The following DPYSL4 variants were observed in gnomAD, a reference collection of about 807,000 sequenced individuals.
DPYSL4 encodes the protein dihydropyrimidinase-related protein 4.
A neutral mutation model predicts 63.4 loss-of-function variants in DPYSL4; 43 were observed. The observed-to-expected ratio is 0.68, with a 90% CI of 0.53 to 0.88. The LOEUF (loss-of-function observed/expected upper bound fraction) is 0.88, where lower values mean the gene tolerates loss of function less well. DPYSL4 is among the 40% of genes least tolerant of loss of function. The pLI is 0.00. For synonymous variants in DPYSL4, 353 were observed against 331.7 expected, an observed-to-expected ratio of 1.06 and a Z score of -0.70; for missense variants, 733 against 819.5, an observed-to-expected ratio of 0.89 and a Z score of 1.29.
At chr10:132,194,486 G>A (rs760265056) in intron 3 of DPYSL4, among the ~76,000 whole-genome samples, 12 of 152,214 alleles carry the variant, frequency 7.9e-5, no homozygotes, top group Non-Finnish European at 1.2e-4. Context: ...CCTGGCCCTC[G>A]GGGTGCCTCA....
At chr10:132,202,610 C>A (rs181469670) in intron 11 of DPYSL4, 36 bp from the exon 12 acceptor site, 349 of 1,606,710 alleles carry the variant, frequency 2.2e-4, no homozygotes, top group Non-Finnish European at 2.8e-4. Context: ...TGGGCCCCAG[C>A]GTGGAGGCAC....
intron 11 of DPYSL4, 151 bp from the exon 12 acceptor site, chr10:132,202,495 A>AC: frequency 9.7e-7 from 1 of 1,033,230 alleles, no homozygotes; most frequent in East Asian, 2.6e-5. Flanking sequence ...CCGAGTTCCA[A>AC]CCCCTCAGTT....
chr10:132,187,128 C>CGCCCCCTGCCCGCCGCCCGGA, intron 1 of DPYSL4, 26 bp downstream of exon 1: 1 of 1,514,134 alleles, frequency 6.6e-7, no homozygotes, highest in Non-Finnish European at 8.9e-7. Flanking sequence ...CTTCGCCCGG[C>CGCCCCCTGCCCGCCGCCCGGA]GCCCCCTGCC....
rs368133660 is a variant in DPYSL4 at position 132,204,811 on chromosome 10, C to A, written c.1628-28C>A. On this transcript the variant is annotated intron_variant, in intron 13 of 13. Coordinates refer to ENST00000338492, the MANE Select transcript of DPYSL4 (RefSeq NM_006426.3). ...AGGGCCCCTGCCCCTGCCTCATTCTCCCCTGCCCATCTGTGCCCTTTCTTC... is the reference window on the plus strand; with the variant it reads ...AGGGCCCCTGCCCCTGCCTCATTCTACCCTGCCCATCTGTGCCCTTTCTTC... 1.5e-4 allele frequency: 239 copies of A among 1,582,652 alleles called. No homozygotes were observed. The Admixed American group carries it at 2.0e-3, about 13-fold the overall frequency.
At chr10:132,190,678 G>A in intron 1 of DPYSL4, 69 bp from the exon 2 acceptor site, 1 of 1,427,390 alleles carries the variant, frequency 7.0e-7, no homozygotes. Context: ...TTCAGAGGAA[G>A]GAGTTGCACC....
chr10:132,191,333 G>A (rs1009138312), intron 2 of DPYSL4, among the ~76,000 whole-genome samples: 1 of 146,918 alleles, frequency 6.8e-6, no homozygotes, highest in African/African-American at 2.6e-5. Context: ...CTGGCCACGT[G>A]GTATCCAGGC....
chr10:132,200,659 A>C, intron 9 of DPYSL4, 147 bp downstream of exon 9: 3 of 1,377,278 alleles, frequency 2.2e-6, no homozygotes, highest in Non-Finnish European at 2.9e-6. Context: ...CTTTGGTCCC[A>C]GCGGGGGCTC....
chr10:132,187,077 G>T lies in DPYSL4; in HGVS notation c.14G>T (p.Gly5Val). Reference sequence around the variant, plus strand: ...CCCAGGAGCAGGATGTCCTTCCAGGGCAAGAAAAGCATCCCCCGGATCACG... The same window carrying T: ...CCCAGGAGCAGGATGTCCTTCCAGGTCAAGAAAAGCATCCCCCGGATCACG... The part of the protein sequence containing the change: MSFQ[G>V]KKSIPRITSD... The change falls in exon 1 of 14, where the codon GGC (glycine) becomes GTC (valine). Residue 5 changes from glycine to valine, a missense_variant. Physicochemically the swap from Gly to Val is moderately radical, Grantham distance 109. Coordinates refer to ENST00000338492, the MANE Select transcript of DPYSL4 (RefSeq NM_006426.3). The T allele has an allele frequency of 7.6e-7, 1 of 1,323,476 alleles. No homozygotes were observed. Among genetic ancestry groups the T allele is most frequent in the Non-Finnish European group, 9.9e-7 (1 of 1,011,966 alleles). 82.0% of individuals were successfully genotyped at this position (1,323,476 alleles called of 1,614,324 possible). A position where few individuals can be genotyped will look rare whatever the true frequency, so the allele number is the denominator to read the frequency against.
intron 1 of DPYSL4, among the ~76,000 whole-genome samples, chr10:132,189,662 G>C (rs1052737065): frequency 3.9e-5 from 6 of 152,024 alleles, no homozygotes; most frequent in African/African-American, 1.4e-4. Context: ...CTGACTCCCA[G>C]CCTCTCTGGA....
At chr10:132,199,440 C>T (rs566444560) in intron 8 of DPYSL4, among the ~76,000 whole-genome samples, 4 of 152,010 alleles carry the variant, frequency 2.6e-5, no homozygotes, top group Admixed American at 6.5e-5. Flanking sequence ...TGATTGGCAG[C>T]GGCTTGACTG....
At position 132,200,831 on chromosome 10, in the gene DPYSL4, C is replaced by T; in HGVS notation, c.969-11C>T. On this transcript the variant is annotated splice_polypyrimidine_tract_variant and intron_variant, in intron 9 of 13. Coordinates refer to ENST00000338492, the MANE Select transcript of DPYSL4 (RefSeq NM_006426.3). The stretch of plus-strand genomic sequence containing the variant: ...GAAGGCCAGGACCCTCTGACCCTGG[C>T]TTGTTTCCAGCGGGGACCTCCAGGT... 6.2e-7 allele frequency: 1 copy of T among 1,610,942 alleles called. No homozygotes were observed.
At chr10:132,202,852 T>C in intron 12 of DPYSL4, 27 bp downstream of exon 12, 7 of 1,561,014 alleles carry the variant, frequency 4.5e-6, no homozygotes, top group Non-Finnish European at 6.1e-6. Context: ...AAGGGTGTTG[T>C]GCAGGTAGGC....
intron 3 of DPYSL4, 101 bp from the exon 4 acceptor site, chr10:132,194,744 C>T: frequency 6.7e-7 from 1 of 1,484,452 alleles, no homozygotes; most frequent in East Asian, 2.3e-5. Flanking sequence ...TCAAATGGTC[C>T]TCTGGTCTCT....
Position 132,192,686 on chromosome 10 carries a change from G to C in DPYSL4, c.157G>C (p.Gly53Arg). The C allele has an allele frequency of 6.2e-7, 1 of 1,611,992 alleles. No homozygotes were observed. The highest frequency in any genetic ancestry group is 8.5e-7 in the Non-Finnish European group (1 of 1,179,308). ...KQIGENLIVP[G>R]GIKTIDAHGL... ...AATCGGAGAAAACCTCATCGTCCCTGGGGGCATCAAGACCATTGACGCCCA... is the reference window on the plus strand; with the variant it reads ...AATCGGAGAAAACCTCATCGTCCCTCGGGGCATCAAGACCATTGACGCCCA... Residue 53 changes from glycine (G) to arginine (R), a missense_variant, in exon 3 of 14, where the codon GGG (glycine) becomes CGG (arginine). Gly to Arg is a moderately radical substitution (Grantham distance 125, BLOSUM62 -2). Coordinates refer to ENST00000338492, the MANE Select transcript of DPYSL4 (RefSeq NM_006426.3).
intron 8 of DPYSL4, 70 bp from the exon 9 acceptor site, chr10:132,200,286 G>A: frequency 4.4e-6 from 7 of 1,575,710 alleles, no homozygotes; most frequent in Middle Eastern, 1.7e-4. Flanking sequence ...GGTGTCAGCA[G>A]CAGCAGTTCT....
intron 3 of DPYSL4, among the ~76,000 whole-genome samples, chr10:132,193,965 G>A (rs2061908919): frequency 6.6e-6 from 1 of 152,262 alleles, no homozygotes; most frequent in Non-Finnish European, 1.5e-5. Context: ...CGCCCTTCAG[G>A]GGGCGGCCCA....
intron 6 of DPYSL4, among the ~76,000 whole-genome samples, chr10:132,197,717 C>T (rs951375687): frequency 6.6e-6 from 1 of 152,222 alleles, no homozygotes; most frequent in African/African-American, 2.4e-5. Flanking sequence ...AGTGAGACTT[C>T]GTGGGACGGG....
intron 12 of DPYSL4, chr10:132,203,451 CGGA>C (rs2062048193): frequency 9.4e-6 from 4 of 424,364 alleles, no homozygotes; most frequent in Middle Eastern, 6.1e-4. Context: ...CGTGGGGCCT[CGGA>C]GGGAGGTTGA....
chr10:132,203,455 G>A (rs931253640), intron 12 of DPYSL4: 2 of 435,882 alleles, frequency 4.6e-6, no homozygotes, highest in Non-Finnish European at 8.3e-6. Context: ...GGGCCTCGGA[G>A]GGAGGTTGAG....
Sources: gnomAD v4.1 joint callset for allele counts (sites outside exome capture counted in the v4.1 genomes callset) on GRCh38, gnomAD v4.1.1 for gene constraint, MANE v1.5 for transcripts, NCBI Gene and HGNC (gene_info 2026-07-23, HGNC 2026-07-21) for gene names.